IGF2BP1: variants seen among roughly 807,000 people sequenced by gnomAD.
IGF2BP1 encodes the protein insulin like growth factor 2 mRNA binding protein 1, also known as insulin-like growth factor 2 mRNA-binding protein 1.
A neutral mutation model predicts 74.9 loss-of-function variants in IGF2BP1; 11 were observed. The observed-to-expected ratio is 0.15, with a 90% CI of 0.09 to 0.24. The LOEUF (loss-of-function observed/expected upper bound fraction) is 0.24. Ranked by LOEUF, IGF2BP1 falls within the 10% of genes least tolerant of loss-of-function variation. The probability of loss-of-function intolerance (pLI) is 1.00; values close to 1 mark genes in which losing one functional copy is unlikely to be tolerated. For synonymous variants in IGF2BP1, 287 were observed against 281.8 expected, an observed-to-expected ratio of 1.02 and a Z score of -0.18; for missense variants, 440 against 757.4, an observed-to-expected ratio of 0.58 and a Z score of 4.92.
intron 4 of IGF2BP1, 48 bp from the exon 5 acceptor site, chr17:49,031,862 G>T: frequency 6.5e-7 from 1 of 1,530,636 alleles, no homozygotes; most frequent in Non-Finnish European, 9.0e-7. Context: ...TCATTGATTG[G>T]GCCTCCAGAT....
intron 2 of IGF2BP1, among the ~76,000 whole-genome samples, chr17:49,019,945 T>TATATAA (rs2041765487): frequency 2.3e-5 from 1 of 44,270 alleles, no homozygotes; most frequent in African/African-American, 1.0e-4. Context: ...TATATATATA[T>TATATAA]ATATTTATAT....
chr17:49,015,257 A>G (rs1056853267), intron 2 of IGF2BP1, among the ~76,000 whole-genome samples: 1 of 152,036 alleles, frequency 6.6e-6, no homozygotes, highest in Non-Finnish European at 1.5e-5. Flanking sequence ...ATAGGCGTGA[A>G]CCACTTTGCC....
chr17:49,021,194 T>C (rs1253166102), intron 2 of IGF2BP1, among the ~76,000 whole-genome samples: 1 of 152,064 alleles, frequency 6.6e-6, no homozygotes, highest in South Asian at 2.1e-4. Flanking sequence ...TGTTTTCTTT[T>C]CTCTTTGGTG....
chr17:49,021,013 T>C (rs1262952748), intron 2 of IGF2BP1, among the ~76,000 whole-genome samples: 1 of 150,176 alleles, frequency 6.7e-6, no homozygotes, highest in African/African-American at 2.4e-5. Context: ...TGATGGCGCA[T>C]GTGCCTGTGG....
intron 7 of IGF2BP1, 90 bp from the exon 8 acceptor site, chr17:49,041,288 C>T (rs1230822907): frequency 6.9e-7 from 1 of 1,443,814 alleles, no homozygotes; most frequent in East Asian, 2.3e-5. Flanking sequence ...CTTGGAAATG[C>T]CAAGTCTGGG....
In IGF2BP1 at chr17:49,041,524, G is replaced by A. The variant is rs534343153; in HGVS notation, c.941+24G>A. The A allele has an allele frequency of 2.5e-6, 4 of 1,613,658 alleles. No individual in the cohort carries two copies. In the South Asian group the frequency reaches 4.4e-5, roughly 18 times the overall value. On this transcript the variant is annotated intron_variant, in intron 8 of 14. Transcript: ENST00000290341. ...TCGTAAGGCTCTCTTCTATTTCCCT[G>A]TTTATGAGTGGGGGATGCATGGGGG... is the stretch of plus-strand genomic sequence containing the variant.
intron 5 of IGF2BP1, chr17:49,036,284 A>T (rs1039385715): frequency 1.3e-5 from 2 of 152,220 alleles, no homozygotes; most frequent in African/African-American, 4.8e-5. Flanking sequence ...TTGTGGCCCC[A>T]GAGCCAAGTG....
intron 4 of IGF2BP1, among the ~76,000 whole-genome samples, chr17:49,027,020 C>T (rs987144680): frequency 1.3e-4 from 20 of 152,202 alleles, no homozygotes; most frequent in African/African-American, 4.1e-4. Context: ...GGATTACAGG[C>T]GTGAGCCATT....
chr17:49,002,320 A>G (rs1355094797), intron 2 of IGF2BP1, among the ~76,000 whole-genome samples: 1 of 152,170 alleles, frequency 6.6e-6, no homozygotes, highest in Non-Finnish European at 1.5e-5. Context: ...ATGGCAAAAA[A>G]TATTTTAAAT....
chr17:49,035,828 G>A (rs971590610), intron 5 of IGF2BP1, among the ~76,000 whole-genome samples: 1 of 152,210 alleles, frequency 6.6e-6, no homozygotes, highest in Non-Finnish European at 1.5e-5. Flanking sequence ...GCCGGGATAC[G>A]TAGCAGCAGC....
intron 5 of IGF2BP1, among the ~76,000 whole-genome samples, chr17:49,034,280 G>T (rs1253380776): frequency 6.6e-6 from 1 of 151,860 alleles, no homozygotes; most frequent in Non-Finnish European, 1.5e-5. Context: ...ACCATGCCTG[G>T]CAATTTTTTG....
At chr17:49,027,541 TAAAG>T (rs920395881) in intron 4 of IGF2BP1, among the ~76,000 whole-genome samples, 31 of 152,174 alleles carry the variant, frequency 2.0e-4, no homozygotes, top group Middle Eastern at 3.4e-3. Flanking sequence ...GGAAAAATGA[TAAAG>T]AATTCTAGGT....
intron 2 of IGF2BP1, chr17:49,012,332 G>C (rs1422947983): frequency 6.6e-6 from 1 of 152,234 alleles, no homozygotes; most frequent in Non-Finnish European, 1.5e-5. Context: ...GTGGAAGAAA[G>C]ATCTGAGTGG....
At chr17:49,011,424 A>G (rs1173319751) in intron 2 of IGF2BP1, among the ~76,000 whole-genome samples, 1 of 152,166 alleles carries the variant, frequency 6.6e-6, no homozygotes, top group African/African-American at 2.4e-5. Context: ...TCACACTGTT[A>G]CTTCACCGAA....
intron 1 of IGF2BP1, among the ~76,000 whole-genome samples, chr17:48,998,592 C>G (rs1245222347): frequency 6.6e-6 from 1 of 152,182 alleles, no homozygotes; most frequent in Non-Finnish European, 1.5e-5. Flanking sequence ...CAGTGAGGGA[C>G]CCTCCCCGCC....
In IGF2BP1 at chr17:48,997,844, C is replaced by T. The variant is rs1157048266; in HGVS notation, c.99C>T (p.Phe33=). Residue 33 remains phenylalanine (F), a synonymous_variant, in exon 1 of 15, where the codon TTC becomes TTT. Transcript: ENST00000290341. The surrounding 1 kb of genome is among the most constrained non-coding windows in gnomAD (Gnocchi z 4.8). ...AEHKISYSGQ[F]LVKSGYAFVD... is the part of the protein sequence containing the mutation. ...ACAAGATCTCCTACAGCGGCCAGTT[C>T]TTGGTCAAATCCGGCTACGCCTTCG... 2.0e-5 allele frequency: 32 copies of T among 1,614,108 alleles called. No individual in the cohort carries two copies. Among genetic ancestry groups the T allele is most frequent in the African/African-American group, 5.3e-5 (4 of 74,950 alleles).
At chr17:49,004,968 A>T (rs916250978) in intron 2 of IGF2BP1, 8 of 152,264 alleles carry the variant, frequency 5.3e-5, no homozygotes, top group African/African-American at 1.9e-4. Context: ...GAAGCTACGT[A>T]GTCCCCAGGT....
chr17:49,056,141 G>A lies in IGF2BP1; in HGVS notation c.*6697G>A, dbSNP rs1160892468. Among the ~76,000 whole-genome samples the A allele has an allele frequency of 6.6e-6, 1 of 152,136 alleles. No individual in the cohort carries two copies. ...AAATAAAAGGAAACTTATATTGAAA[G>A]ACAAGTATGTCTGTGTCTCAGGGTT... On this transcript the variant is annotated 3_prime_UTR_variant, in exon 15 of 15. Coordinates refer to ENST00000290341, the MANE Select transcript of IGF2BP1 (RefSeq NM_006546.4).
intron 7 of IGF2BP1, 47 bp from the exon 8 acceptor site, chr17:49,041,331 C>T: frequency 6.2e-7 from 1 of 1,608,438 alleles, no homozygotes; most frequent in Non-Finnish European, 8.5e-7. Flanking sequence ...ATGAAGCCCA[C>T]AATTGAAGGA....
Sources: gnomAD v4.1 joint callset for allele counts (sites outside exome capture counted in the v4.1 genomes callset) on GRCh38, gnomAD v4.1.1 for gene constraint, Gnocchi (gnomAD v3.1) non-coding constraint, MANE v1.5 for transcripts, NCBI Gene and HGNC (gene_info 2026-07-23, HGNC 2026-07-21) for gene names.